GALNTL6: variants seen among roughly 807,000 people sequenced by gnomAD.
The protein encoded by GALNTL6 is polypeptide N-acetylgalactosaminyltransferase-like 6.
GALNTL6 carries 46 observed loss-of-function variants against 73.7 expected under a neutral mutation model. The observed-to-expected ratio is 0.62, with a 90% confidence interval of 0.49 to 0.80. GALNTL6 has a LOEUF of 0.80. Among genes scored for constraint, GALNTL6 ranks in the 30% least tolerant of loss-of-function variants. The pLI, the probability that GALNTL6 is intolerant of heterozygous loss-of-function variation, is 0.00. For synonymous variants in GALNTL6, 259 were observed against 263.7 expected (o/e 0.98, Z 0.17); for missense variants, 604 against 755.0 (o/e 0.80, Z 2.34).
intron 3 of GALNTL6, among the ~76,000 whole-genome samples, chr4:172,275,543 G>A (rs1395111818): frequency 6.6e-6 from 1 of 152,166 alleles, no homozygotes; most frequent in Non-Finnish European, 1.5e-5. Context: ...ATTAATACAT[G>A]TAAAGCATTA....
chr4:171,884,520 A>T (rs558322517), intron 2 of GALNTL6, among the ~76,000 whole-genome samples: 1 of 151,658 alleles, frequency 6.6e-6, no homozygotes, highest in South Asian at 2.1e-4. Flanking sequence ...TAAATTTAAG[A>T]TATATACATA....
chr4:172,424,117 T>A (rs1731145690), intron 5 of GALNTL6, among the ~76,000 whole-genome samples: 1 of 152,124 alleles, frequency 6.6e-6, no homozygotes, highest in African/African-American at 2.4e-5. Context: ...CTCACCAAAT[T>A]GAATACTTTT....
chr4:172,563,743 A>G (rs1736461524), intron 5 of GALNTL6, among the ~76,000 whole-genome samples: 1 of 152,242 alleles, frequency 6.6e-6, no homozygotes, highest in Non-Finnish European at 1.5e-5. Flanking sequence ...TATTCAACTT[A>G]TGATTTAGAG....
In GALNTL6 at chr4:172,510,796, C is replaced by G. The variant is rs1189630054; in HGVS notation, c.553+162107C>G. Among the ~76,000 whole-genome samples the G allele has an allele frequency of 7.2e-5, 4 of 55,452 alleles. 2 individuals are homozygous for G. Among genetic ancestry groups the G allele is most frequent in the African/African-American group, 1.8e-4 (4 of 22,252 alleles). 36.4% of individuals were successfully genotyped at this position (55,452 alleles called of 152,430 possible). On this transcript the variant is annotated intron_variant, in intron 5 of 12. Coordinates refer to ENST00000506823, the MANE Select transcript of GALNTL6 (RefSeq NM_001034845.3). ...CTCTGCATCCCTAGGATGAAACCCA[C>G]TTGATCACGGTGAATTATCTTTTTG...
chr4:172,240,293 G>A (rs1445406328), intron 3 of GALNTL6, among the ~76,000 whole-genome samples: 5 of 151,972 alleles, frequency 3.3e-5, no homozygotes, highest in African/African-American at 9.6e-5. Context: ...GCACGATCTC[G>A]GCTCACTGCA....
intron 5 of GALNTL6, among the ~76,000 whole-genome samples, chr4:172,773,956 A>T (rs867703500): frequency 9.0e-5 from 13 of 144,328 alleles, no homozygotes; most frequent in African/African-American, 3.2e-4. Context: ...AGGTATTGTG[A>T]TAGTTTAAAA....
intron 5 of GALNTL6, among the ~76,000 whole-genome samples, chr4:172,554,618 C>G (rs758426613): frequency 6.6e-6 from 1 of 152,156 alleles, no homozygotes; most frequent in Non-Finnish European, 1.5e-5. Flanking sequence ...ACTTCTAACA[C>G]CAGAGATCAG....
chr4:172,225,851 G>T (rs1356137026), intron 2 of GALNTL6, among the ~76,000 whole-genome samples: 1 of 152,070 alleles, frequency 6.6e-6, no homozygotes, highest in Non-Finnish European at 1.5e-5. Context: ...TGGTCTATGG[G>T]TAGCATTGAT....
chr4:171,852,245 C>A (rs1047498313), intron 2 of GALNTL6, among the ~76,000 whole-genome samples: 1 of 151,978 alleles, frequency 6.6e-6, no homozygotes, highest in African/African-American at 2.4e-5. Context: ...CTTATTTTAT[C>A]ACTGTGTTCT....
chr4:172,762,787 A>C (rs1452708595), intron 5 of GALNTL6, among the ~76,000 whole-genome samples: 1 of 40,956 alleles, frequency 2.4e-5, no homozygotes, highest in South Asian at 4.6e-4. Flanking sequence ...TTCACTCAAA[A>C]AAAAAAAAAA....
intron 8 of GALNTL6, among the ~76,000 whole-genome samples, chr4:172,912,086 T>C (rs1381232208): frequency 6.6e-6 from 1 of 152,174 alleles, no homozygotes; most frequent in Non-Finnish European, 1.5e-5. Context: ...ATAAAGCAAG[T>C]CAGTTTGCCC....
intron 9 of GALNTL6, among the ~76,000 whole-genome samples, chr4:172,939,510 C>T (rs1001162089): frequency 2.0e-5 from 3 of 152,162 alleles, no homozygotes; most frequent in African/African-American, 7.2e-5. Context: ...AATGTCATCT[C>T]TAACCTCAGA....
At chr4:172,585,304 A>G (rs1306970358) in intron 5 of GALNTL6, among the ~76,000 whole-genome samples, 2 of 152,070 alleles carry the variant, frequency 1.3e-5, no homozygotes, top group African/African-American at 4.8e-5. Context: ...TTTGTTACAT[A>G]GGTATACATG....
intron 5 of GALNTL6, among the ~76,000 whole-genome samples, chr4:172,718,483 A>G (rs1735246397): frequency 6.6e-6 from 1 of 151,972 alleles, no homozygotes; most frequent in African/African-American, 2.4e-5. Flanking sequence ...AAAATTAAAA[A>G]ACATATGAGC....
chr4:173,029,790 TC>T (rs1223794653), intron 12 of GALNTL6, among the ~76,000 whole-genome samples: 1 of 152,192 alleles, frequency 6.6e-6, no homozygotes, highest in East Asian at 1.9e-4. Flanking sequence ...TTAAACTCTA[TC>T]CTATTATAAT....
At chr4:172,519,376 C>T (rs1734705105) in intron 5 of GALNTL6, among the ~76,000 whole-genome samples, 2 of 151,138 alleles carry the variant, frequency 1.3e-5, no homozygotes, top group Admixed American at 1.3e-4. Context: ...ATGTAACTAA[C>T]TACCTTGCCT....
intron 5 of GALNTL6, among the ~76,000 whole-genome samples, chr4:172,676,077 G>C (rs577182307): frequency 2.2e-4 from 34 of 152,252 alleles, no homozygotes; most frequent in African/African-American, 8.2e-4. Flanking sequence ...GAACAAAAAA[G>C]TATAATTTGC....
chr4:172,080,416 C>T (rs954084404), intron 2 of GALNTL6, among the ~76,000 whole-genome samples: 5 of 152,110 alleles, frequency 3.3e-5, no homozygotes, highest in African/African-American at 1.2e-4. Context: ...TCTCCCACCT[C>T]ATTTCCCAAA....
At chr4:171,932,520 C>T (rs1338381649) in intron 2 of GALNTL6, among the ~76,000 whole-genome samples, 2 of 152,190 alleles carry the variant, frequency 1.3e-5, no homozygotes, top group African/African-American at 4.8e-5. Flanking sequence ...AGGTTGGAAG[C>T]AGCGGGAGTC....
Sources: gnomAD v4.1 joint callset for allele counts (sites outside exome capture counted in the v4.1 genomes callset) on GRCh38, gnomAD v4.1.1 for gene constraint, MANE v1.5 for transcripts, NCBI Gene and HGNC (gene_info 2026-07-23, HGNC 2026-07-21) for gene names.